ZNF407: variants seen among roughly 807,000 people sequenced by gnomAD.
ZNF407 encodes zinc finger protein 407.
Under a neutral mutation model 131.2 loss-of-function variants are expected in ZNF407, and 17 were observed. The observed-to-expected ratio is 0.13, with a 90% confidence interval of 0.09 to 0.19. ZNF407 has a LOEUF of 0.19. ZNF407 is among the 10% of genes least tolerant of loss of function. The pLI is 1.00. For missense variants in ZNF407, 2,681 were observed against 2,830.6 expected (o/e 0.95, Z 1.20); for synonymous variants, 1,156 against 1,062.0 (o/e 1.09, Z -1.72).
intron 1 of ZNF407, among the ~76,000 whole-genome samples, chr18:74,623,219 CGTGTGTGAGTGCGGGTGTTAGT>C (rs1983629802): frequency 6.7e-6 from 1 of 148,316 alleles, no homozygotes; most frequent in South Asian, 2.2e-4. Context: ...TATGTGACTG[CGTGTGTGAGTGCGGGTGTTAGT>C]GTGTGTGCAT....
intron 8 of ZNF407, among the ~76,000 whole-genome samples, chr18:75,050,200 A>G (rs1002038081): frequency 4.5e-4 from 68 of 152,178 alleles, no homozygotes; most frequent in Non-Finnish European, 1.5e-4. Context: ...TATTATTACC[A>G]TATAATATAT....
chr18:74,644,265 G>A (rs1295652307), intron 3 of ZNF407, among the ~76,000 whole-genome samples: 1 of 147,888 alleles, frequency 6.8e-6, no homozygotes, highest in Non-Finnish European at 1.5e-5. Flanking sequence ...ATAGAATATA[G>A]GTGTGTTTAT....
At chr18:74,825,867 T>G (rs182015613) in intron 4 of ZNF407, among the ~76,000 whole-genome samples, 1 of 152,362 alleles carries the variant, frequency 6.6e-6, no homozygotes, top group East Asian at 1.9e-4. Flanking sequence ...GTTTAGGGTA[T>G]GTGGCGTATT....
chr18:74,713,158 A>T (rs983189046), intron 3 of ZNF407, among the ~76,000 whole-genome samples: 1 of 152,190 alleles, frequency 6.6e-6, no homozygotes, highest in African/African-American at 2.4e-5. Context: ...ACACTGGCAG[A>T]TGTTAAATTC....
chr18:74,829,565 G>GTT (rs1970454482), intron 4 of ZNF407, among the ~76,000 whole-genome samples: 2 of 152,244 alleles, frequency 1.3e-5, no homozygotes, highest in African/African-American at 4.8e-5. Flanking sequence ...GAGATTTAGT[G>GTT]TTTTGAGTAC....
intron 6 of ZNF407, among the ~76,000 whole-genome samples, chr18:74,887,261 C>T (rs1971323309): frequency 6.6e-6 from 1 of 151,978 alleles, no homozygotes; most frequent in Non-Finnish European, 1.5e-5. Flanking sequence ...CATTTCAGTA[C>T]AGTTGAGTTG....
chr18:74,748,580 T>C (rs1312167190), intron 3 of ZNF407, among the ~76,000 whole-genome samples: 3 of 152,174 alleles, frequency 2.0e-5, no homozygotes, highest in African/African-American at 7.2e-5. Flanking sequence ...CCCTTTTGAC[T>C]TTAAAAGCCA....
At chr18:74,640,860 C>T in intron 2 of ZNF407, 148 bp from the exon 3 acceptor site, 1 of 612,024 alleles carries the variant, frequency 1.6e-6, no homozygotes, top group Non-Finnish European at 2.9e-6. Context: ...CAGGTCTATT[C>T]AAGTTATAAA....
intron 1 of ZNF407, among the ~76,000 whole-genome samples, chr18:74,602,585 C>T (rs576442696): frequency 3.3e-5 from 5 of 152,114 alleles, no homozygotes; most frequent in African/African-American, 1.2e-4. Flanking sequence ...TCATTTAATT[C>T]CCCCAAATCT....
At chr18:74,628,136 A>T (rs1983885140) in intron 1 of ZNF407, among the ~76,000 whole-genome samples, 1 of 152,130 alleles carries the variant, frequency 6.6e-6, no homozygotes, top group Non-Finnish European at 1.5e-5. Context: ...ACCTATTCTG[A>T]AGGAATGTAT....
At chr18:74,914,303 C>T (rs555204319) in intron 7 of ZNF407, among the ~76,000 whole-genome samples, 3 of 152,148 alleles carry the variant, frequency 2.0e-5, no homozygotes, top group African/African-American at 2.4e-5. Flanking sequence ...AGCAGTAGAG[C>T]GGAGTTGAGA....
At chr18:74,755,779 C>G (rs867716334) in intron 3 of ZNF407, among the ~76,000 whole-genome samples, 2 of 23,368 alleles carry the variant, frequency 8.6e-5, no homozygotes, top group African/African-American at 1.9e-4. Context: ...CTTTCTCTCT[C>G]TCTCTTTCCT....
chr18:74,656,669 G>A (rs993819030), intron 3 of ZNF407, among the ~76,000 whole-genome samples: 13 of 151,754 alleles, frequency 8.6e-5, no homozygotes, highest in African/African-American at 3.1e-4. Flanking sequence ...TTAAGGGACA[G>A]GGCAGGAGAT....
chr18:74,734,853 A>G (rs1302823654), intron 3 of ZNF407, among the ~76,000 whole-genome samples: 6 of 152,150 alleles, frequency 3.9e-5, no homozygotes, highest in African/African-American at 1.4e-4. Flanking sequence ...TCATCATTTT[A>G]CATTTTGGAT....
chr18:74,661,747 A>G (rs1985724829), intron 3 of ZNF407, among the ~76,000 whole-genome samples: 1 of 152,208 alleles, frequency 6.6e-6, no homozygotes, highest in Non-Finnish European at 1.5e-5. Flanking sequence ...AGTTTACTAA[A>G]TATTCAAAGC....
intron 8 of ZNF407, among the ~76,000 whole-genome samples, chr18:75,061,078 T>C (rs1354903370): frequency 6.6e-6 from 1 of 152,226 alleles, no homozygotes; most frequent in Non-Finnish European, 1.5e-5. Flanking sequence ...AAAGAAATGC[T>C]TTCTTGCAGA....
chr18:75,007,615 A>G (rs965312170), intron 8 of ZNF407, among the ~76,000 whole-genome samples: 1 of 152,222 alleles, frequency 6.6e-6, no homozygotes, highest in Non-Finnish European at 1.5e-5. Flanking sequence ...TCTTATATGC[A>G]AAGTATTTCA....
chr18:74,615,398 G>T (rs892317747), intron 1 of ZNF407, among the ~76,000 whole-genome samples: 15 of 152,152 alleles, frequency 9.9e-5, no homozygotes, highest in Admixed American at 1.3e-4. Context: ...CCAGCTACTC[G>T]GGAGGCTGAG....
At chr18:74,779,688 T>C (rs1327812237) in intron 3 of ZNF407, among the ~76,000 whole-genome samples, 1 of 152,160 alleles carries the variant, frequency 6.6e-6, no homozygotes, top group East Asian at 1.9e-4. Context: ...CTATTTCCTC[T>C]AGTTTGTTTC....
Sources: gnomAD v4.1 joint callset for allele counts (sites outside exome capture counted in the v4.1 genomes callset) on GRCh38, gnomAD v4.1.1 for gene constraint, MANE v1.5 for transcripts, NCBI Gene and HGNC (gene_info 2026-07-23, HGNC 2026-07-21) for gene names.